Variants in METTL15 observed in about 807,000 individuals in gnomAD.
METTL15 encodes 12S rRNA N(4)-cytidine methyltransferase METTL15.
METTL15 carries 34 observed loss-of-function variants against 38.3 expected under a neutral mutation model. The observed-to-expected ratio is 0.89, with a 90% CI of 0.68 to 1.18. METTL15 has a LOEUF of 1.18. Among genes scored for constraint, METTL15 ranks in the 50% most tolerant of loss-of-function variants. The pLI is 0.00. For missense variants in METTL15, 438 were observed against 498.4 expected, an observed-to-expected ratio of 0.88 and a Z score of 1.15; for synonymous variants, 162 against 170.9, an observed-to-expected ratio of 0.95 and a Z score of 0.41.
intron 4 of METTL15, among the ~76,000 whole-genome samples, chr11:28,273,426 G>T (rs1009678527): frequency 1.3e-5 from 2 of 151,964 alleles, no homozygotes; most frequent in African/African-American, 4.8e-5. Flanking sequence ...CCTATTATCA[G>T]CAGGCCCTAT....
chr11:28,468,674 T>C (rs887442192), intron 6 of METTL15, among the ~76,000 whole-genome samples: 2 of 152,206 alleles, frequency 1.3e-5, no homozygotes, highest in Non-Finnish European at 2.9e-5. Flanking sequence ...AGGATTATTA[T>C]GAACCTTTGC....
intron 5 of METTL15, among the ~76,000 whole-genome samples, chr11:28,406,653 C>A (rs956138361): frequency 6.6e-6 from 1 of 152,128 alleles, no homozygotes; most frequent in Non-Finnish European, 1.5e-5. Context: ...GACTTCATCT[C>A]TTCCTGTTCG....
chr11:28,392,367 A>G lies in METTL15; in HGVS notation c.*358+30331A>G, dbSNP rs540617666. Reference sequence around the variant, plus strand: ...AAGGCTAAAGTAATTAAAACAGTGTAGAATTGGTATAAGGACAGACATATA... The same window carrying G: ...AAGGCTAAAGTAATTAAAACAGTGTGGAATTGGTATAAGGACAGACATATA... On this transcript the variant is annotated intron_variant and NMD_transcript_variant, in intron 5 of 7. Transcript: ENST00000532947. Among the ~76,000 whole-genome samples, 5 of 152,260 alleles carry G rather than the reference A, an allele frequency of 3.3e-5. No homozygotes were observed. In the East Asian group the frequency reaches 9.7e-4, roughly 29 times the overall value.
intron 4 of METTL15, among the ~76,000 whole-genome samples, chr11:28,221,697 G>A (rs903310310): frequency 2.6e-5 from 4 of 151,934 alleles, no homozygotes; most frequent in African/African-American, 7.3e-5. Flanking sequence ...TCTACCTTTC[G>A]TCTTTGATGA....
At chr11:28,337,475 C>CA (rs1849911600), downstream of METTL15, among the ~76,000 whole-genome samples, 1 of 151,972 alleles carries the variant, frequency 6.6e-6, no homozygotes. Flanking sequence ...CTCAGCCTCC[C>CA]AAAGTGCTAG....
intron 3 of METTL15, among the ~76,000 whole-genome samples, chr11:28,151,930 T>A (rs1850103789): frequency 6.6e-6 from 1 of 152,000 alleles, no homozygotes; most frequent in Non-Finnish European, 1.5e-5. Context: ...CTGTTATTGG[T>A]CCCACCCTCT....
chr11:28,243,902 A>G (rs996314869), intron 4 of METTL15, among the ~76,000 whole-genome samples: 2 of 152,298 alleles, frequency 1.3e-5, no homozygotes, highest in South Asian at 4.1e-4. Flanking sequence ...CCATTTTGTT[A>G]TATTAGTGAT....
chr11:28,190,721 G>A (rs558287748), intron 3 of METTL15, among the ~76,000 whole-genome samples: 22 of 151,180 alleles, frequency 1.5e-4, no homozygotes, highest in Admixed American at 9.9e-4. Context: ...GGAATGTATC[G>A]AAACATAGGT....
chr11:28,304,245 G>GT (rs1424738299), intron 6 of METTL15, among the ~76,000 whole-genome samples: 1 of 152,116 alleles, frequency 6.6e-6, no homozygotes, highest in African/African-American at 2.4e-5. Flanking sequence ...TCCCTTAGGA[G>GT]TTATGTGACT....
intron 3 of METTL15, among the ~76,000 whole-genome samples, chr11:28,152,137 A>T (rs144853820): frequency 1.3e-5 from 2 of 152,082 alleles, no homozygotes; most frequent in East Asian, 3.9e-4. Flanking sequence ...TACATTTTAG[A>T]CAGGTGAACT....
intron 3 of METTL15, among the ~76,000 whole-genome samples, chr11:28,168,109 C>G (rs1302530867): frequency 6.6e-6 from 1 of 151,812 alleles, no homozygotes; most frequent in African/African-American, 2.4e-5. Context: ...TTTTCTTTCT[C>G]TTCCTCTGGT....
intron 6 of METTL15, among the ~76,000 whole-genome samples, chr11:28,460,693 A>G (rs1297362728): frequency 1.3e-5 from 2 of 152,052 alleles, no homozygotes; most frequent in Admixed American, 6.6e-5. Flanking sequence ...GATAAATTAC[A>G]CATCACATGG....
At chr11:28,252,621 G>A (rs1013159286) in intron 4 of METTL15, among the ~76,000 whole-genome samples, 3 of 151,752 alleles carry the variant, frequency 2.0e-5, no homozygotes, top group Admixed American at 6.6e-5. Context: ...TTCCTTTCTA[G>A]TGAACTTTGC....
At chr11:28,199,845 C>T (rs1020508369) in intron 3 of METTL15, among the ~76,000 whole-genome samples, 42 of 151,702 alleles carry the variant, frequency 2.8e-4, no homozygotes, top group Non-Finnish European at 1.9e-4. Context: ...CAGGATCAAG[C>T]GATTCTGCTG....
intron 6 of METTL15, among the ~76,000 whole-genome samples, chr11:28,476,508 T>C (rs1324939195): frequency 6.6e-6 from 1 of 152,198 alleles, no homozygotes; most frequent in Non-Finnish European, 1.5e-5. Flanking sequence ...CCAATTTCCA[T>C]TGGTCTGAAT....
At chr11:28,459,137 T>C (rs1201194983) in intron 6 of METTL15, among the ~76,000 whole-genome samples, 3 of 152,194 alleles carry the variant, frequency 2.0e-5, no homozygotes, top group Admixed American at 2.0e-4. Context: ...TCCATATCTT[T>C]TGGTATTTCC....
At chr11:28,208,067 G>T (rs1262864078) in intron 3 of METTL15, among the ~76,000 whole-genome samples, 1 of 152,072 alleles carries the variant, frequency 6.6e-6, no homozygotes, top group Admixed American at 6.6e-5. Context: ...CCAGCTCCTG[G>T]ATTCATTAAT....
At chr11:28,197,121 T>A (rs1209171522) in intron 3 of METTL15, among the ~76,000 whole-genome samples, 2 of 151,996 alleles carry the variant, frequency 1.3e-5, no homozygotes, top group African/African-American at 4.8e-5. Context: ...TTTCTTAGTT[T>A]TAAGAAACGC....
intron 6 of METTL15, among the ~76,000 whole-genome samples, chr11:28,469,387 C>T (rs909023515): frequency 2.6e-5 from 4 of 152,232 alleles, no homozygotes; most frequent in South Asian, 4.1e-4. Flanking sequence ...TCCATTCCAT[C>T]GGCACACATA....
Sources: allele counts gnomAD v4.1 joint callset (sites outside exome capture counted in the v4.1 genomes callset), GRCh38; gene constraint gnomAD v4.1.1; transcripts MANE v1.5; gene names NCBI Gene and HGNC (gene_info 2026-07-23, HGNC 2026-07-21).